Variants in ASB15 observed in about 807,000 individuals in gnomAD.
ASB15 encodes ankyrin repeat and SOCS box protein 15.
ASB15 carries 54 observed loss-of-function variants against 58.0 expected under a neutral mutation model. The ratio of observed to expected loss-of-function variants is 0.93; its 90% CI spans 0.75 to 1.17. The LOEUF (loss-of-function observed/expected upper bound fraction) is 1.17. Ranked by LOEUF, ASB15 falls within the 50% of genes most tolerant of loss-of-function variation. The probability of loss-of-function intolerance (pLI) is 0.00; values close to 1 mark genes in which losing one functional copy is unlikely to be tolerated. For synonymous variants in ASB15, 249 were observed against 262.4 expected, an observed-to-expected ratio of 0.95 and a Z score of 0.50; for missense variants, 680 against 707.4, an observed-to-expected ratio of 0.96 and a Z score of 0.44.
intron 11 of ASB15, among the ~76,000 whole-genome samples, chr7:123,634,562 TA>T (rs1028111714): frequency 3.9e-5 from 6 of 151,944 alleles, no homozygotes; most frequent in Admixed American, 2.6e-4. Context: ...ATACAATTTT[TA>T]AAAAAAACTG....
At chr7:123,628,789 T>A (rs1170785351) in intron 9 of ASB15, 75 bp from the exon 10 acceptor site, 14 of 998,070 alleles carry the variant, frequency 1.4e-5, no homozygotes, top group Non-Finnish European at 2.0e-5. Context: ...CATTCACTTA[T>A]CTAGTGAGAA....
At position 123,626,451 on chromosome 7, in the gene ASB15, G is replaced by A. The variant is rs547552499; in HGVS notation, c.698-659G>A. On this transcript the variant is annotated intron_variant, in intron 8 of 11. Coordinates refer to ENST00000451215, the MANE Select transcript of ASB15 (RefSeq NM_001290258.2). Reference sequence around the variant, plus strand: ...CACACCACCGCACTCCAGCCTGGTCGACAGAGTGAGATTCTGTCAACATAA... The same window carrying A: ...CACACCACCGCACTCCAGCCTGGTCAACAGAGTGAGATTCTGTCAACATAA... 7.9e-4 allele frequency among the ~76,000 whole-genome samples: 120 copies of A among 152,222 alleles called. 1 individual carries two copies. Among genetic ancestry groups the A allele is most frequent in the Admixed American group, 7.2e-3 (110 of 15,288 alleles).
At position 123,624,647 on chromosome 7, in the gene ASB15, G is replaced by A. The variant is rs554034724; in HGVS notation, c.530G>A (p.Arg177Gln). 3.3e-4 allele frequency: 537 copies of A among 1,614,096 alleles called. 9 individuals are homozygous for A. The South Asian group carries it at 5.0e-3, about 15-fold the overall frequency. Residue 177 changes from arginine to glutamine, a missense_variant, in exon 8 of 12, where the codon CGA (arginine) becomes CAA (glutamine). Transcript: ENST00000451215. Reference sequence around the variant, plus strand: ...AGCCTAGACCAGCCCTGTGTCAAGCGATGGTCAGCAATGCATGAAGCAGCC... The same window carrying A: ...AGCCTAGACCAGCCCTGTGTCAAGCAATGGTCAGCAATGCATGAAGCAGCC... ...NTSLDQPCVK[R>Q]WSAMHEAAKQ...
intron 2 of ASB15, among the ~76,000 whole-genome samples, chr7:123,606,161 CA>C (rs1800139869): frequency 6.6e-6 from 1 of 152,116 alleles, no homozygotes; most frequent in Non-Finnish European, 1.5e-5. Context: ...CAGGAGCCAC[CA>C]CTCACTAATT....
chr7:123,617,860 T>C (rs1222779205), intron 7 of ASB15, 123 bp downstream of exon 7: 1 of 958,802 alleles, frequency 1.0e-6, no homozygotes, highest in African/African-American at 1.7e-5. Context: ...GCTACTTGCC[T>C]AACCCCCATG....
intron 4 of ASB15, 141 bp from the exon 5 acceptor site, chr7:123,616,080 A>T: frequency 1.5e-6 from 1 of 678,300 alleles, no homozygotes; most frequent in African/African-American, 1.8e-5. Context: ...CTTTTTAAGG[A>T]GATAAAATCA....
intron 1 of ASB15, among the ~76,000 whole-genome samples, chr7:123,602,897 C>T (rs1456368951): frequency 6.6e-6 from 1 of 152,132 alleles, no homozygotes; most frequent in Admixed American, 6.6e-5. Context: ...ATATCCCACT[C>T]TCCACTGCCC....
At chr7:123,607,290 T>A (rs1255187005) in intron 2 of ASB15, among the ~76,000 whole-genome samples, 1 of 152,206 alleles carries the variant, frequency 6.6e-6, no homozygotes, top group African/African-American at 2.4e-5. Flanking sequence ...TTACATATAA[T>A]GTTAAATATT....
In ASB15 at chr7:123,620,503, CATACATATATATATAT is replaced by C. The variant is rs1207030398; in HGVS notation, c.451+2770_451+2785del. 3.2e-3 allele frequency among the ~76,000 whole-genome samples: 168 copies of C among 53,056 alleles called. 6 individuals are homozygous for C. The highest frequency in any genetic ancestry group is 0.011 in the African/African-American group (138 of 12,606). 34.8% of individuals were successfully genotyped at this position (53,056 alleles called of 152,430 possible). A position where few individuals can be genotyped will look rare whatever the true frequency, so the allele number is the denominator to read the frequency against. ...CACCACTAGTAATGTGACACATATA[CATACATATATATATAT>C]ATATATATATATATATATATATATA... is the stretch of plus-strand genomic sequence containing the variant. On this transcript the variant is annotated intron_variant, in intron 7 of 11. Transcript: ENST00000451215.
At chr7:123,633,245 C>T (rs1170057311) in intron 11 of ASB15, among the ~76,000 whole-genome samples, 3 of 151,980 alleles carry the variant, frequency 2.0e-5, no homozygotes, top group Non-Finnish European at 4.4e-5. Context: ...TGGTTATATG[C>T]TCTGATAAAA....
chr7:123,634,100 G>A (rs1252167495), intron 11 of ASB15, among the ~76,000 whole-genome samples: 2 of 152,042 alleles, frequency 1.3e-5, no homozygotes, highest in African/African-American at 2.4e-5. Context: ...TGTTACACAG[G>A]TAAACATTTA....
At chr7:123,595,063 TGCTGCACTAGCAGCAAGCAAG>T (rs1393388903) in intron 1 of ASB15, among the ~76,000 whole-genome samples, 14 of 152,228 alleles carry the variant, frequency 9.2e-5, no homozygotes, top group African/African-American at 3.4e-4. Flanking sequence ...GATCTCAGAC[TGCTGCACTAGCAGCAAGCAAG>T]GCTCCGTGGA....
chr7:123,567,237 GA>G (rs1326596509), intron 1 of ASB15: 2 of 152,174 alleles, frequency 1.3e-5, no homozygotes, highest in African/African-American at 4.8e-5. Flanking sequence ...AGGGATTTCA[GA>G]ATGTCTAAAT....
chr7:123,625,766 A>C (rs145312334), intron 8 of ASB15, among the ~76,000 whole-genome samples: 186 of 152,286 alleles, frequency 1.2e-3, no homozygotes, highest in African/African-American at 4.2e-3. Context: ...CCCTAGCCTT[A>C]TTCCTTAAAT....
At chr7:123,620,507 C>CATATATATATAT (rs1395766241) in intron 7 of ASB15, among the ~76,000 whole-genome samples, 2 of 29,628 alleles carry the variant, frequency 6.8e-5, no homozygotes, top group Non-Finnish European at 5.6e-5. Context: ...CATATACATA[C>CATATATATATAT]ATATATATAT....
chr7:123,620,541 T>C (rs1801218703), intron 7 of ASB15, among the ~76,000 whole-genome samples: 2 of 24,594 alleles, frequency 8.1e-5, no homozygotes, highest in Non-Finnish European at 1.7e-4. Flanking sequence ...TATATATATA[T>C]ATATATATAT....
In ASB15 at chr7:123,637,408, T is replaced by G. The variant is rs1802480151; in HGVS notation, c.*427T>G. ...TGTGATCTGGCATCTGACCCTCCAC[T>G]GCTTTTCTCAAGGTCCCTGACAATC... On this transcript the variant is annotated 3_prime_UTR_variant, in exon 12 of 12. Coordinates refer to ENST00000451215, the MANE Select transcript of ASB15 (RefSeq NM_001290258.2). 1 of 154,610 alleles carries G rather than the reference T, an allele frequency of 6.5e-6. No homozygotes were observed. The highest frequency in any genetic ancestry group is 2.4e-5 in the African/African-American group (1 of 41,490). 9.6% of individuals were successfully genotyped at this position (154,610 alleles called of 1,614,324 possible). A position where few individuals can be genotyped will look rare whatever the true frequency, so the allele number is the denominator to read the frequency against.
upstream of ASB15, among the ~76,000 whole-genome samples, chr7:123,597,238 C>T (rs1799724019): frequency 6.6e-6 from 1 of 152,146 alleles, no homozygotes; most frequent in Non-Finnish European, 1.5e-5. Flanking sequence ...ATTCACTCTG[C>T]ATATGTCACC....
At chr7:123,606,321 C>T (rs1251522530) in intron 2 of ASB15, among the ~76,000 whole-genome samples, 1 of 152,186 alleles carries the variant, frequency 6.6e-6, no homozygotes, top group Non-Finnish European at 1.5e-5. Context: ...GTTCTACCTG[C>T]TTTCCTGTAC....
Sources: gnomAD v4.1 joint callset for allele counts (sites outside exome capture counted in the v4.1 genomes callset) on GRCh38, gnomAD v4.1.1 for gene constraint, MANE v1.5 for transcripts, NCBI Gene and HGNC (gene_info 2026-07-23, HGNC 2026-07-21) for gene names.